Variants in ANKS6 observed in about 807,000 individuals in gnomAD.
The protein encoded by ANKS6 is ankyrin repeat and sterile alpha motif domain containing 6.
Under a neutral mutation model 77.9 loss-of-function variants are expected in ANKS6, and 47 were observed. The ratio of observed to expected loss-of-function variants is 0.60; its 90% CI spans 0.48 to 0.77. ANKS6 has a LOEUF of 0.77. ANKS6 is among the 30% of genes least tolerant of loss of function. The probability of loss-of-function intolerance (pLI) is 0.00; values close to 1 mark genes in which losing one functional copy is unlikely to be tolerated. For missense variants in ANKS6, 1,150 were observed against 1,159.1 expected (o/e 0.99, Z 0.11); for synonymous variants, 488 against 501.7 (o/e 0.97, Z 0.37).
intron 14 of ANKS6, among the ~76,000 whole-genome samples, chr9:98,738,864 G>A (rs1403939966): frequency 6.6e-6 from 1 of 152,158 alleles, no homozygotes; most frequent in African/African-American, 2.4e-5. Context: ...ACCAATCATC[G>A]AGTGGATAAA....
chr9:98,786,454 G>C (rs1834574550), intron 2 of ANKS6, among the ~76,000 whole-genome samples: 1 of 151,972 alleles, frequency 6.6e-6, no homozygotes, highest in Non-Finnish European at 1.5e-5. Context: ...ACCGCATCTG[G>C]CTAATTTTTG....
intron 14 of ANKS6, among the ~76,000 whole-genome samples, chr9:98,741,504 T>G (rs1326591989): frequency 6.6e-6 from 1 of 152,170 alleles, no homozygotes; most frequent in Non-Finnish European, 1.5e-5. Flanking sequence ...GGCCTCTGAG[T>G]GATTGGATTG....
intron 11 of ANKS6, among the ~76,000 whole-genome samples, chr9:98,758,629 T>C (rs1832844588): frequency 6.6e-6 from 1 of 152,208 alleles, no homozygotes; most frequent in African/African-American, 2.4e-5. Flanking sequence ...TAACTCTGTG[T>C]GTGTGCAACT....
At chr9:98,776,508 C>T (rs1012398604) in intron 8 of ANKS6, among the ~76,000 whole-genome samples, 1 of 151,614 alleles carries the variant, frequency 6.6e-6, no homozygotes, top group Non-Finnish European at 1.5e-5. Flanking sequence ...TCAAGCAATT[C>T]TCCTGCCTCA....
chr9:98,752,607 C>G (rs1223732266), intron 12 of ANKS6, among the ~76,000 whole-genome samples: 2 of 152,132 alleles, frequency 1.3e-5, no homozygotes, highest in Non-Finnish European at 1.5e-5. Flanking sequence ...CATGGATGAC[C>G]CACTTGCTCT....
chr9:98,751,187 T>G, intron 12 of ANKS6, 91 bp from the exon 13 acceptor site: 4 of 1,012,086 alleles, frequency 4.0e-6, no homozygotes, highest in Non-Finnish European at 4.4e-6. Flanking sequence ...TAATCTTATT[T>G]CAAATGAAAT....
chr9:98,732,438 G>A lies in ANKS6; in HGVS notation c.*4081C>T. ...GACCCAGAGTCAGGCACATTTGGAG[G>A]GCAGGTCCATCGGCCACTCCTCACT... is the stretch of plus-strand genomic sequence containing the variant. On this transcript the variant is annotated 3_prime_UTR_variant, in exon 15 of 15. Transcript: ENST00000353234. 3 of 1,504,030 alleles carry A rather than the reference G, an allele frequency of 2.0e-6. No homozygotes were observed. The highest frequency in any genetic ancestry group is 2.7e-6 in the Non-Finnish European group (3 of 1,106,400). 93.2% of individuals were successfully genotyped at this position (1,504,030 alleles called of 1,614,324 possible).
chr9:98,785,285 A>C (rs1834503198), intron 2 of ANKS6, among the ~76,000 whole-genome samples: 1 of 152,258 alleles, frequency 6.6e-6, no homozygotes, highest in Admixed American at 6.5e-5. Flanking sequence ...TCATAATTCC[A>C]AATCAGAGGA....
At position 98,733,778 on chromosome 9, in the gene ANKS6, C is replaced by T. The variant is rs1464387357; in HGVS notation, c.*2741G>A. The T allele has an allele frequency of 3.0e-6, 3 of 985,388 alleles. No homozygotes were observed. Among genetic ancestry groups the T allele is most frequent in the East Asian group, 2.3e-4 (2 of 8,822 alleles). The allele number at this position is 985,388 out of a possible 1,614,324, so 61.0% of individuals were successfully genotyped here. ...ATGATCGTGTAGCTCGCTTTAGTGT[C>T]TGCCAAACCTACTCAACCAGGGAAC... is the stretch of plus-strand genomic sequence containing the variant. On this transcript the variant is annotated 3_prime_UTR_variant, in exon 15 of 15. Coordinates refer to ENST00000353234, the MANE Select transcript of ANKS6 (RefSeq NM_173551.5).
At chr9:98,747,536 G>C (rs189572174) in intron 13 of ANKS6, among the ~76,000 whole-genome samples, 1 of 152,014 alleles carries the variant, frequency 6.6e-6, no homozygotes, top group Admixed American at 6.6e-5. Context: ...AAAAGCTCAC[G>C]GAGTGCTGAG....
rs966611350 is a variant in ANKS6 at position 98,790,008 on chromosome 9, G to A, written c.862+96C>T. ...AGTGGTCTGCAGGGCTGGACTCTGAGTTCTGCGTGTCCTTCCAGTAGAGCA... is the reference window on the plus strand; with the variant it reads ...AGTGGTCTGCAGGGCTGGACTCTGAATTCTGCGTGTCCTTCCAGTAGAGCA... On this transcript the variant is annotated intron_variant, in intron 2 of 14. Transcript: ENST00000353234. 1.3e-5 allele frequency: 19 copies of A among 1,472,088 alleles called. No individual in the cohort carries two copies. The South Asian group carries it at 2.4e-4, about 18-fold the overall frequency. The allele number at this position is 1,472,088 out of a possible 1,614,324, so 91.2% of individuals were successfully genotyped here.
intron 14 of ANKS6, among the ~76,000 whole-genome samples, chr9:98,739,727 C>T (rs1043028747): frequency 1.3e-5 from 2 of 150,474 alleles, no homozygotes; most frequent in Admixed American, 6.6e-5. Context: ...GCAGACAGAT[C>T]CTATCCTCAG....
At chr9:98,789,717 G>C (rs1834779880) in intron 2 of ANKS6, among the ~76,000 whole-genome samples, 1 of 152,104 alleles carries the variant, frequency 6.6e-6, no homozygotes, top group African/African-American at 2.4e-5. Flanking sequence ...TTTCACTCTA[G>C]CAGAAGTGAC....
intron 7 of ANKS6, among the ~76,000 whole-genome samples, 186 bp from the exon 8 acceptor site, chr9:98,777,640 A>G (rs921336226): frequency 6.6e-6 from 1 of 152,218 alleles, no homozygotes; most frequent in African/African-American, 2.4e-5. Flanking sequence ...GCATGTTTTC[A>G]GCTTTTCCAT....
intron 13 of ANKS6, chr9:98,746,237 T>C (rs1261869980): frequency 6.5e-6 from 1 of 152,708 alleles, no homozygotes; most frequent in Non-Finnish European, 1.5e-5. Context: ...CTGTCAACCC[T>C]GCCTGGCCCG....
At position 98,735,385 on chromosome 9, in the gene ANKS6, T is replaced by A; in HGVS notation, c.*1134A>T. 1 of 1,106,804 alleles carries A rather than the reference T, an allele frequency of 9.0e-7. No individual in the cohort carries two copies. The highest frequency in any genetic ancestry group is 1.1e-6 in the Non-Finnish European group (1 of 910,032). 68.6% of individuals were successfully genotyped at this position (1,106,804 alleles called of 1,614,324 possible). A position where few individuals can be genotyped will look rare whatever the true frequency, so the allele number is the denominator to read the frequency against. On this transcript the variant is annotated 3_prime_UTR_variant, in exon 15 of 15. Transcript: ENST00000353234. ...ATAAATGCAACAAGCACTGGCTGAA[T>A]GAGTCATTCACTGGAAAACACTTCA... is the stretch of plus-strand genomic sequence containing the variant.
chr9:98,764,094 G>A (rs1406062123), intron 11 of ANKS6, among the ~76,000 whole-genome samples: 1 of 152,162 alleles, frequency 6.6e-6, no homozygotes, highest in Non-Finnish European at 1.5e-5. Flanking sequence ...AAAACTAGAA[G>A]AGGAGACAAT....
chr9:98,775,841 T>A (rs929139585), intron 8 of ANKS6, among the ~76,000 whole-genome samples: 2 of 152,202 alleles, frequency 1.3e-5, no homozygotes, highest in African/African-American at 4.8e-5. Flanking sequence ...TGCTATTTAA[T>A]AACATGATCA....
In ANKS6 at chr9:98,734,181, C is replaced by T; in HGVS notation, c.*2338G>A. The T allele has an allele frequency of 1.0e-6, 1 of 985,400 alleles. No homozygotes were observed. The highest frequency in any genetic ancestry group is 1.2e-6 in the Non-Finnish European group (1 of 829,968). 61.0% of individuals were successfully genotyped at this position (985,400 alleles called of 1,614,324 possible). The stretch of plus-strand genomic sequence containing the variant: ...CTCTTGTGAACCAGCACACAAACTT[C>T]CTAGGATGAAAAGCCTTGGACACTT... On this transcript the variant is annotated 3_prime_UTR_variant, in exon 15 of 15. Coordinates refer to ENST00000353234, the MANE Select transcript of ANKS6 (RefSeq NM_173551.5).
Sources: gnomAD v4.1 joint callset for allele counts (sites outside exome capture counted in the v4.1 genomes callset) on GRCh38, gnomAD v4.1.1 for gene constraint, MANE v1.5 for transcripts, NCBI Gene and HGNC (gene_info 2026-07-23, HGNC 2026-07-21) for gene names.